Variants in CYP4V2 observed in about 807,000 individuals in gnomAD.
The protein encoded by CYP4V2 is cytochrome P450 family 4 subfamily V member 2.
A neutral mutation model predicts 60.8 loss-of-function variants in CYP4V2; 55 were observed. That is an observed-to-expected ratio of 0.90 (90% confidence interval 0.73 to 1.13). The LOEUF (loss-of-function observed/expected upper bound fraction) is 1.13, where lower values mean the gene tolerates loss of function less well. Among genes scored for constraint, CYP4V2 ranks in the 50% most tolerant of loss-of-function variants. The pLI is 0.00. For synonymous variants in CYP4V2, 239 were observed against 236.8 expected, an observed-to-expected ratio of 1.01 and a Z score of -0.08; for missense variants, 675 against 662.9, an observed-to-expected ratio of 1.02 and a Z score of -0.20.
In CYP4V2 at chr4:186,210,676, G is replaced by T; in HGVS notation, c.*35G>T. 1 of 1,612,970 alleles carries T rather than the reference G, an allele frequency of 6.2e-7. No individual in the cohort carries two copies. The highest frequency in any genetic ancestry group is 8.5e-7 in the Non-Finnish European group (1 of 1,179,494). ...TGGGTTGTGCCTTTATCATGAGAAA[G>T]GTCTTTATTTTAAGAGATCCTTGTC... On this transcript the variant is annotated 3_prime_UTR_variant, in exon 11 of 11. Transcript: ENST00000378802.
Position 186,212,327 on chromosome 4 carries a change from G to A in CYP4V2, c.*1686G>A, listed in dbSNP as rs964385891. 16 of 152,120 alleles carry A rather than the reference G, an allele frequency of 1.1e-4. No homozygotes were observed. The highest frequency in any genetic ancestry group is 3.9e-4 in the African/African-American group (16 of 41,414). 9.4% of individuals were successfully genotyped at this position (152,120 alleles called of 1,614,324 possible). A position where few individuals can be genotyped will look rare whatever the true frequency, so the allele number is the denominator to read the frequency against. On this transcript the variant is annotated 3_prime_UTR_variant, in exon 11 of 11. Transcript: ENST00000378802. Reference sequence around the variant, plus strand: ...AAAGGAAGCCATTCATCTATATTTAGTAACCCAGTAATATCTCACTTAGTT... The same window carrying A: ...AAAGGAAGCCATTCATCTATATTTAATAACCCAGTAATATCTCACTTAGTT...
In CYP4V2 at chr4:186,209,311, A is replaced by G. The variant is rs201375823; in HGVS notation, c.1405+39A>G. On this transcript the variant is annotated intron_variant, in intron 10 of 10. Coordinates refer to ENST00000378802, the MANE Select transcript of CYP4V2 (RefSeq NM_207352.4). ...TGAATTGGTTTGACCTTTCAGGCCC[A>G]CTTGATGGTGGGTTTCTCACAGTGA... 1.9e-4 allele frequency: 299 copies of G among 1,612,798 alleles called. 1 individual carries two copies. The East Asian group carries it at 6.6e-3, about 36-fold the overall frequency.
rs558008537 is a variant in CYP4V2 at position 186,205,711 on chromosome 4, G to C, written c.1090+409G>C. On this transcript the variant is annotated intron_variant, in intron 8 of 10. Coordinates refer to ENST00000378802, the MANE Select transcript of CYP4V2 (RefSeq NM_207352.4). ...AGAGAAAATGTGGATTAAAAAGGTG[G>C]ATTAAGCTTCGAGGAGATACATTTC... Among the ~76,000 whole-genome samples, 740 of 152,300 alleles carry C rather than the reference G, an allele frequency of 4.9e-3. 4 individuals carry two copies. Among genetic ancestry groups the C allele is most frequent in the Non-Finnish European group, 7.6e-3 (516 of 68,032 alleles).
At chr4:186,194,151 G>A (rs959248123) in intron 1 of CYP4V2, among the ~76,000 whole-genome samples, 17 of 152,142 alleles carry the variant, frequency 1.1e-4, no homozygotes, top group African/African-American at 3.4e-4. Flanking sequence ...CTGGAGTCTC[G>A]CTCGGTACAA....
intron 5 of CYP4V2, 71 bp from the exon 6 acceptor site, chr4:186,198,886 G>A: frequency 6.2e-7 from 1 of 1,610,184 alleles, no homozygotes; most frequent in Non-Finnish European, 8.5e-7. Flanking sequence ...ATCAAGGCCA[G>A]GTACTAAAGA....
chr4:186,200,617 G>A (rs1226527034), intron 6 of CYP4V2, among the ~76,000 whole-genome samples: 2 of 152,162 alleles, frequency 1.3e-5, no homozygotes, highest in African/African-American at 2.4e-5. Context: ...GCAGGGATGA[G>A]GGAGGTCTCT....
intron 4 of CYP4V2, 192 bp from the exon 5 acceptor site, chr4:186,197,341 G>T: frequency 1.2e-6 from 1 of 838,406 alleles, no homozygotes; most frequent in Non-Finnish European, 1.9e-6. Context: ...CCAGGGAGGC[G>T]AAGGGAAGGA....
chr4:186,212,797 CAG>C lies in CYP4V2; in HGVS notation c.*2157_*2158del, dbSNP rs1736769806. Reference sequence around the variant, plus strand: ...GCCCTGTAGCCTGGGCCATTTAAGACAGGGGCGGTCTCAGCCAAATTGCACCC... The same window carrying C: ...GCCCTGTAGCCTGGGCCATTTAAGACGGGCGGTCTCAGCCAAATTGCACCC... On this transcript the variant is annotated 3_prime_UTR_variant, in exon 11 of 11. Transcript: ENST00000378802. 6.6e-6 allele frequency: 1 copy of C among 152,224 alleles called. No individual in the cohort carries two copies. The highest frequency in any genetic ancestry group is 1.5e-5 in the Non-Finnish European group (1 of 68,028). The allele number at this position is 152,224 out of a possible 1,614,324, so 9.4% of individuals were successfully genotyped here. A position where few individuals can be genotyped will look rare whatever the true frequency, so the allele number is the denominator to read the frequency against.
chr4:186,201,027 T>G, intron 6 of CYP4V2, 130 bp from the exon 7 acceptor site: 2 of 921,498 alleles, frequency 2.2e-6, no homozygotes, highest in Non-Finnish European at 3.3e-6. Context: ...CAAGAGCCTA[T>G]GTTGTCGAAA....
chr4:186,201,194 A>T lies in CYP4V2; in HGVS notation c.839A>T (p.Glu280Val). 6.2e-7 allele frequency: 1 copy of T among 1,614,212 alleles called. No homozygotes were observed. The highest frequency in any genetic ancestry group is 1.7e-5 in the Admixed American group (1 of 60,026). ...CGGGCCAATGAAATGAACGCCAATG[A>T]AGACTGTAGAGGTGATGGCAGGGGC... ...AERANEMNAN[E>V]DCRGDGRGSA... The change falls in exon 7 of 11, where the codon GAA becomes GTA. Residue 280 changes from glutamate to valine, a missense_variant. Glu to Val is a moderately radical substitution (Grantham distance 121). Coordinates refer to ENST00000378802, the MANE Select transcript of CYP4V2 (RefSeq NM_207352.4).
chr4:186,196,694 T>C (rs1736153999), intron 3 of CYP4V2: 2 of 453,740 alleles, frequency 4.4e-6, no homozygotes, highest in Admixed American at 3.9e-5. Flanking sequence ...TTATGAATGC[T>C]ATTTTAAACA....
chr4:186,203,151 TAC>T (rs1317230395), intron 7 of CYP4V2: 1 of 130,808 alleles, frequency 7.6e-6, no homozygotes, highest in Non-Finnish European at 1.8e-5. Flanking sequence ...CATATCCACG[TAC>T]ACACATTCAT....
chr4:186,205,599 G>T (rs940245084), intron 8 of CYP4V2, among the ~76,000 whole-genome samples: 2 of 152,240 alleles, frequency 1.3e-5, no homozygotes, highest in Non-Finnish European at 2.9e-5. Flanking sequence ...AGTGAAGAAG[G>T]TGCTATTTGG....
At chr4:186,199,262 C>G (rs180902728) in intron 6 of CYP4V2, among the ~76,000 whole-genome samples, 179 bp downstream of exon 6, 5 of 152,134 alleles carry the variant, frequency 3.3e-5, no homozygotes, top group Admixed American at 3.3e-4. Flanking sequence ...TGTTAACATA[C>G]CCGGTGTAGG....
intron 6 of CYP4V2, among the ~76,000 whole-genome samples, chr4:186,200,121 T>A (rs1736264338): frequency 6.6e-6 from 1 of 152,210 alleles, no homozygotes; most frequent in Non-Finnish European, 1.5e-5. Context: ...ATTAAATGAA[T>A]TCCAGACTGA....
Position 186,208,972 on chromosome 4 carries a change from C to G in CYP4V2, c.1198C>G (p.Arg400Gly). Residue 400 changes from arginine to glycine, a missense_variant, in exon 9 of 11, where the codon CGT (arginine) becomes GGT (glycine). Physicochemically the swap from Arg to Gly is moderately radical, Grantham distance 125 (BLOSUM62 -2). Coordinates refer to ENST00000378802, the MANE Select transcript of CYP4V2 (RefSeq NM_207352.4). ...TTTTCCTTCTGTTCCTTTATTTGCC[C>G]GTAGTGTTAGTGAAGATTGTGAAGT... is the stretch of plus-strand genomic sequence containing the variant. The part of the protein sequence containing the change: ...RLFPSVPLFA[R>G]SVSEDCEVAG... 2 of 1,614,102 alleles carry G rather than the reference C, an allele frequency of 1.2e-6. No individual in the cohort carries two copies. Among genetic ancestry groups the G allele is most frequent in the African/African-American group, 1.3e-5 (1 of 75,012 alleles).
rs146494374 is a variant in CYP4V2, at chr4:186,210,508, C to A, written c.1445C>A (p.Ser482Ter). Reference protein sequence around the residue: ...FAVMEEKTILSCILRHFWIES... With the variant: ...FAVMEEKTIL ...GTGATGGAAGAAAAGACCATTCTTT[C>A]GTGCATCCTGAGGCACTTTTGGATA... The change falls in exon 11 of 11, where the codon TCG becomes TAG. Residue 482 changes from serine (S) to a stop codon, truncating the protein, a stop_gained. Coordinates refer to ENST00000378802, the MANE Select transcript of CYP4V2 (RefSeq NM_207352.4). LOFTEE classifies it high-confidence loss of function. The A allele has an allele frequency of 6.2e-7, 1 of 1,614,168 alleles. No individual in the cohort carries two copies. The highest frequency in any genetic ancestry group is 2.2e-5 in the East Asian group (1 of 44,872).
chr4:186,197,060 A>G lies in CYP4V2; in HGVS notation c.534A>G (p.Glu178=), dbSNP rs764426507. 1 of 1,613,788 alleles carries G rather than the reference A, an allele frequency of 6.2e-7. No homozygotes were observed. Among genetic ancestry groups the G allele is most frequent in the Non-Finnish European group, 8.5e-7 (1 of 1,179,978 alleles). The stretch of plus-strand genomic sequence containing the variant: ...CAAATATATTGGTTAAGAAACTTGA[A>G]AAACACATTAACCAAGAAGCATTTA... ...EQANILVKKL[E]KHINQEAFNC... Residue 178 remains glutamate, a synonymous_variant, in exon 4 of 11, where the codon GAA becomes GAG. Coordinates refer to ENST00000378802, the MANE Select transcript of CYP4V2 (RefSeq NM_207352.4).
intron 5 of CYP4V2, among the ~76,000 whole-genome samples, chr4:186,198,118 C>T (rs1334208467): frequency 6.6e-6 from 1 of 152,188 alleles, no homozygotes; most frequent in Non-Finnish European, 1.5e-5. Context: ...AATTATTCAC[C>T]TGTTAAAAGG....
Sources: gnomAD v4.1 joint callset for allele counts (sites outside exome capture counted in the v4.1 genomes callset) on GRCh38, gnomAD v4.1.1 for gene constraint, MANE v1.5 for transcripts, NCBI Gene and HGNC (gene_info 2026-07-23, HGNC 2026-07-21) for gene names.